Variants in GMDS observed in about 807,000 individuals in gnomAD.
GMDS encodes the protein GDP-mannose 4,6-dehydratase, also known as GDP-mannose 4,6 dehydratase.
GMDS carries 20 observed loss-of-function variants against 49.9 expected under a neutral mutation model. The ratio of observed to expected loss-of-function variants is 0.40; its 90% CI spans 0.28 to 0.58. The LOEUF (loss-of-function observed/expected upper bound fraction) is 0.58, where lower values mean the gene tolerates loss of function less well. GMDS is among the 20% of genes least tolerant of loss of function. The pLI, the probability that GMDS is intolerant of heterozygous loss-of-function variation, is 0.42. For synonymous variants in GMDS, 177 were observed against 178.6 expected, an observed-to-expected ratio of 0.99 and a Z score of 0.07; for missense variants, 362 against 481.4, an observed-to-expected ratio of 0.75 and a Z score of 2.32.
intron 7 of GMDS, among the ~76,000 whole-genome samples, chr6:1,880,958 A>G (rs571351797): frequency 6.6e-6 from 1 of 152,230 alleles, no homozygotes; most frequent in Non-Finnish European, 1.5e-5. Flanking sequence ...TTGTTGATGA[A>G]ATATTAAAGT....
At chr6:2,128,883 TG>T (rs766082275) in intron 1 of GMDS, among the ~76,000 whole-genome samples, 3 of 152,168 alleles carry the variant, frequency 2.0e-5, no homozygotes, top group Non-Finnish European at 4.4e-5. Flanking sequence ...TCTGGGTTTT[TG>T]GGGGACTGGC....
intron 9 of GMDS, among the ~76,000 whole-genome samples, chr6:1,710,996 G>A (rs1371434111): frequency 6.6e-6 from 1 of 152,210 alleles, no homozygotes; most frequent in Admixed American, 6.5e-5. Flanking sequence ...GCAAAAACTT[G>A]GGGCTGGAGA....
chr6:1,896,447 G>A (rs3800121), intron 7 of GMDS, among the ~76,000 whole-genome samples: 68,947 of 152,070 alleles, frequency 0.45, 18,917 homozygotes, highest in Non-Finnish European at 0.61. Flanking sequence ...AAAGTCTGGC[G>A]GGAACTAGAG....
At chr6:1,782,140 C>T (rs1280486569) in intron 7 of GMDS, among the ~76,000 whole-genome samples, 1 of 152,104 alleles carries the variant, frequency 6.6e-6, no homozygotes, top group Non-Finnish European at 1.5e-5. Flanking sequence ...CCAGTTTAGT[C>T]CAGACTCACA....
At chr6:1,907,879 A>G (rs9503043) in intron 7 of GMDS, among the ~76,000 whole-genome samples, 10,933 of 152,300 alleles carry the variant, frequency 0.072, 458 homozygotes, top group South Asian at 0.17. Context: ...TCCCCGGTGG[A>G]TACCTGAAAT....
At chr6:1,653,594 T>G (rs1211487317) in intron 9 of GMDS, among the ~76,000 whole-genome samples, 1 of 152,154 alleles carries the variant, frequency 6.6e-6, no homozygotes, top group African/African-American at 2.4e-5. Flanking sequence ...GGAACCAGCA[T>G]AAAGACAGAC....
intron 4 of GMDS, among the ~76,000 whole-genome samples, chr6:1,965,659 C>CA (rs943505448): frequency 1.8e-4 from 28 of 151,474 alleles, no homozygotes; most frequent in African/African-American, 5.8e-4. Context: ...CCTATGTCTA[C>CA]AAAAAAAATT....
chr6:2,068,427 A>C (rs1438992740), intron 4 of GMDS, among the ~76,000 whole-genome samples: 1 of 152,138 alleles, frequency 6.6e-6, no homozygotes, highest in Non-Finnish European at 1.5e-5. Context: ...GCAATTAGGC[A>C]GGAGAAGGAA....
At chr6:2,235,201 A>G (rs1314643948) in intron 1 of GMDS, among the ~76,000 whole-genome samples, 1 of 152,238 alleles carries the variant, frequency 6.6e-6, no homozygotes, top group Non-Finnish European at 1.5e-5. Context: ...AGTTAGAATC[A>G]TCCCCTTAGG....
intron 9 of GMDS, among the ~76,000 whole-genome samples, chr6:1,672,673 C>T (rs1395435126): frequency 6.6e-6 from 1 of 152,216 alleles, no homozygotes; most frequent in African/African-American, 2.4e-5. Flanking sequence ...TGTTTCATCA[C>T]CACCAGACTG....
intron 7 of GMDS, among the ~76,000 whole-genome samples, chr6:1,864,772 A>G (rs1206962431): frequency 2.6e-5 from 4 of 152,200 alleles, no homozygotes; most frequent in Non-Finnish European, 5.9e-5. Context: ...CTGAGTAGAA[A>G]GTAGGCTTGT....
intron 6 of GMDS, among the ~76,000 whole-genome samples, chr6:1,953,012 C>T (rs1763433394): frequency 1.3e-5 from 2 of 152,182 alleles, no homozygotes; most frequent in African/African-American, 4.8e-5. Flanking sequence ...GAGGTTACTA[C>T]ATTGCCCAAA....
intron 1 of GMDS, among the ~76,000 whole-genome samples, chr6:2,163,522 G>A (rs1196970971): frequency 6.6e-6 from 1 of 152,164 alleles, no homozygotes; most frequent in Non-Finnish European, 1.5e-5. Flanking sequence ...TCAATAAGCT[G>A]TAGACCCAGG....
intron 4 of GMDS, among the ~76,000 whole-genome samples, chr6:2,076,084 G>A (rs2779496): frequency 0.053 from 8,014 of 152,102 alleles, 707 homozygotes; most frequent in African/African-American, 0.18. Flanking sequence ...CATATCCTTC[G>A]CCCACTTGTT....
intron 7 of GMDS, among the ~76,000 whole-genome samples, chr6:1,855,850 T>G (rs1232311814): frequency 6.6e-6 from 1 of 152,226 alleles, no homozygotes; most frequent in African/African-American, 2.4e-5. Flanking sequence ...TCTAACCTTC[T>G]CTTTTCTATC....
At chr6:2,230,864 CA>C (rs566882206) in intron 1 of GMDS, among the ~76,000 whole-genome samples, 5 of 144,340 alleles carry the variant, frequency 3.5e-5, no homozygotes, top group South Asian at 2.3e-4. Flanking sequence ...TACTTCTCCT[CA>C]AAAAAAAACC....
Position 2,206,172 on chromosome 6 carries a change from C to T in GMDS, c.102+39149G>A, listed in dbSNP as rs182736000. On this transcript the variant is annotated intron_variant, in intron 1 of 10. Transcript: ENST00000380815. ...ACTCAGGAGGCTGAGGCAGGAGAAT[C>T]GCTTGAACCCGGGAGGCAGAGGTTG... 1.4e-4 allele frequency among the ~76,000 whole-genome samples: 21 copies of T among 152,106 alleles called. No individual in the cohort carries two copies. In the East Asian group the frequency reaches 2.7e-3, roughly 20 times the overall value.
At chr6:1,966,789 A>T (rs1413123579) in intron 4 of GMDS, among the ~76,000 whole-genome samples, 1 of 152,114 alleles carries the variant, frequency 6.6e-6, no homozygotes, top group African/African-American at 2.4e-5. Flanking sequence ...CCCTGTCTGT[A>T]AATAGCACCC....
intron 1 of GMDS, among the ~76,000 whole-genome samples, chr6:2,201,310 A>G (rs569884288): frequency 7.2e-6 from 1 of 138,808 alleles, no homozygotes; most frequent in African/African-American, 2.8e-5. Flanking sequence ...ATCCGAGATG[A>G]AACCATCTAG....
Sources: allele counts gnomAD v4.1 joint callset (sites outside exome capture counted in the v4.1 genomes callset), GRCh38; gene constraint gnomAD v4.1.1; transcripts MANE v1.5; gene names NCBI Gene and HGNC (gene_info 2026-07-23, HGNC 2026-07-21).